The following RNF144B variants were observed in gnomAD, a reference collection of about 807,000 sequenced individuals.
RNF144B encodes E3 ubiquitin-protein ligase RNF144B.
In RNF144B, 25 loss-of-function variants were observed where a neutral mutation model predicts 40.2. That is an observed-to-expected ratio of 0.62 (90% CI 0.45 to 0.87). The LOEUF is 0.87. Ranked by LOEUF, RNF144B falls within the 40% of genes least tolerant of loss-of-function variation. The pLI is 0.00. For synonymous variants in RNF144B, 145 were observed against 136.3 expected, an observed-to-expected ratio of 1.06 and a Z score of -0.44; for missense variants, 365 against 373.7, an observed-to-expected ratio of 0.98 and a Z score of 0.19.
intron 2 of RNF144B, among the ~76,000 whole-genome samples, chr6:18,411,483 ATATATATATATATATTTTTTT>A (rs1318824597): frequency 1.4e-3 from 37 of 25,664 alleles, no homozygotes; most frequent in Admixed American, 2.3e-3. Flanking sequence ...ATATATATAT[ATATATATATATATATTTTTTT>A]TTTTTTTTTT....
chr6:18,436,288 C>A (rs1562052365), intron 3 of RNF144B, among the ~76,000 whole-genome samples: 2 of 151,878 alleles, frequency 1.3e-5, no homozygotes. Flanking sequence ...AAGAACTGTC[C>A]CAGATTGGAA....
chr6:18,411,009 G>A lies in RNF144B; in HGVS notation c.165+11310G>A, dbSNP rs180671246. ...CTTTTCTTTTCTTTTTTTTTGAGAC[G>A]GAGTCTCATTCTGTTGCCAGGCTGG... On this transcript the variant is annotated intron_variant, in intron 2 of 7. Coordinates refer to ENST00000259939, the MANE Select transcript of RNF144B (RefSeq NM_182757.4). Among the ~76,000 whole-genome samples the A allele has an allele frequency of 1.1e-3, 152 of 142,228 alleles. 1 individual carries two copies. Among genetic ancestry groups the A allele is most frequent in the African/African-American group, 3.9e-3 (148 of 38,212 alleles). The allele number at this position is 142,228 out of a possible 152,430, so 93.3% of individuals were successfully genotyped here.
chr6:18,407,838 T>C (rs919559791), intron 2 of RNF144B, among the ~76,000 whole-genome samples: 9 of 152,206 alleles, frequency 5.9e-5, no homozygotes, highest in African/African-American at 2.2e-4. Context: ...AATAGTGAGC[T>C]ATCTAGTAGT....
chr6:18,411,207 T>A (rs1795026034), intron 2 of RNF144B, among the ~76,000 whole-genome samples: 1 of 151,564 alleles, frequency 6.6e-6, no homozygotes, highest in South Asian at 2.1e-4. Context: ...ATGGTCTCGA[T>A]CTCCTGATCT....
rs964578163 is a variant in RNF144B, at chr6:18,460,449, T to C, written c.681+698T>C. On this transcript the variant is annotated intron_variant, in intron 6 of 7. Coordinates refer to ENST00000259939, the MANE Select transcript of RNF144B (RefSeq NM_182757.4). This position sits in a 1 kb window ranked among gnomAD's most constrained non-coding sequence, Gnocchi z 4.4. ...CACACTTGCAGAATCCCTCTTGTCA[T>C]ATAGGGTAACACATTCACAGATTCT... Among the ~76,000 whole-genome samples, 1 of 152,216 alleles carries C rather than the reference T, an allele frequency of 6.6e-6. No individual in the cohort carries two copies. The highest frequency in any genetic ancestry group is 2.4e-5 in the African/African-American group (1 of 41,446).
chr6:18,422,127 T>A lies in RNF144B; in HGVS notation c.166-5454T>A, dbSNP rs980640791. Reference sequence around the variant, plus strand: ...ACCAGGAAACAGCTTCCTGCCTAGCTATAGGTTGTTAATTTGTCTGAATAT... The same window carrying A: ...ACCAGGAAACAGCTTCCTGCCTAGCAATAGGTTGTTAATTTGTCTGAATAT... On this transcript the variant is annotated intron_variant, in intron 2 of 7. Coordinates refer to ENST00000259939, the MANE Select transcript of RNF144B (RefSeq NM_182757.4). The surrounding 1 kb of genome is among the most constrained non-coding windows in gnomAD (Gnocchi z 4.7). Among the ~76,000 whole-genome samples the A allele has an allele frequency of 2.0e-5, 3 of 152,204 alleles. No homozygotes were observed. Among genetic ancestry groups the A allele is most frequent in the African/African-American group, 7.2e-5 (3 of 41,456 alleles).
chr6:18,390,356 G>T (rs933385606), intron 1 of RNF144B, among the ~76,000 whole-genome samples: 1 of 152,044 alleles, frequency 6.6e-6, no homozygotes, highest in Non-Finnish European at 1.5e-5. Context: ...TTACCCAGTC[G>T]GTGAGTACTT....
chr6:18,387,687 C>G, intron 1 of RNF144B, 57 bp downstream of exon 1: 1 of 1,259,446 alleles, frequency 7.9e-7, no homozygotes, highest in Non-Finnish European at 1.0e-6. Context: ...AATGGTGTTG[C>G]TGGACTAAGG....
chr6:18,435,669 A>T (rs1475487470), intron 3 of RNF144B, among the ~76,000 whole-genome samples: 1 of 152,162 alleles, frequency 6.6e-6, no homozygotes, highest in African/African-American at 2.4e-5. Flanking sequence ...AACCACATTA[A>T]AAAGTTAACA....
At chr6:18,440,995 G>A (rs931641441) in intron 4 of RNF144B, among the ~76,000 whole-genome samples, 2 of 152,026 alleles carry the variant, frequency 1.3e-5, no homozygotes, top group African/African-American at 4.8e-5. Context: ...TGTTGAACAT[G>A]GAATCAGAAC....
intron 4 of RNF144B, among the ~76,000 whole-genome samples, chr6:18,453,571 C>T (rs1656886967): frequency 6.6e-6 from 1 of 152,094 alleles, no homozygotes; most frequent in Non-Finnish European, 1.5e-5. Flanking sequence ...TATTTGCTCA[C>T]CTACATAGAA....
intron 2 of RNF144B, among the ~76,000 whole-genome samples, chr6:18,413,642 A>G (rs762219837): frequency 3.3e-5 from 5 of 152,226 alleles, no homozygotes; most frequent in African/African-American, 9.6e-5. Context: ...TTCTGCCTCA[A>G]TGACTGATGT....
chr6:18,421,340 C>A, intron 2 of RNF144B, among the ~76,000 whole-genome samples: 1 of 148,518 alleles, frequency 6.7e-6, no homozygotes, highest in Non-Finnish European at 1.5e-5. Flanking sequence ...AAATTACAGA[C>A]CAATAAAATG....
In RNF144B at chr6:18,441,175, A is replaced by G. The variant is rs1758956140; in HGVS notation, c.331+1431A>G. Among the ~76,000 whole-genome samples the G allele has an allele frequency of 6.6e-6, 1 of 152,168 alleles. No homozygotes were observed. Among genetic ancestry groups the G allele is most frequent in the African/African-American group, 2.4e-5 (1 of 41,444 alleles). On this transcript the variant is annotated intron_variant, in intron 4 of 7. Transcript: ENST00000259939. This position sits in a 1 kb window ranked among gnomAD's most constrained non-coding sequence, Gnocchi z 4.9. ...AGATATGATAGCTAAAGATAAGAGC[A>G]TCAACCATCTGCCCTGCCATTTTCC... is the stretch of plus-strand genomic sequence containing the variant.
rs1056329345 is a variant in RNF144B, at chr6:18,434,929, GTATT to G, written c.271-4752_271-4749del. Among the ~76,000 whole-genome samples the G allele has an allele frequency of 4.1e-4, 62 of 152,262 alleles. No individual in the cohort carries two copies. The highest frequency in any genetic ancestry group is 1.5e-3 in the African/African-American group (62 of 41,540). The stretch of plus-strand genomic sequence containing the variant: ...AGCCACCTTGCCTGGCCAGAATTGA[GTATT>G]TAATAAGGATCATAAGGTTCATTTT... On this transcript the variant is annotated intron_variant, in intron 3 of 7. Coordinates refer to ENST00000259939, the MANE Select transcript of RNF144B (RefSeq NM_182757.4). The surrounding 1 kb of genome is among the most constrained non-coding windows in gnomAD (Gnocchi z 4.1).
rs1431767447 is a variant in RNF144B at position 18,395,645 on chromosome 6, T to C, written c.-36-3854T>C. On this transcript the variant is annotated intron_variant, in intron 1 of 7. Coordinates refer to ENST00000259939, the MANE Select transcript of RNF144B (RefSeq NM_182757.4). The surrounding 1 kb of genome is among the most constrained non-coding windows in gnomAD (Gnocchi z 4.5). ...TTTTTTAACTATCCATTGTTGGTTT[T>C]GCCCAAAGTGAGAAACGAAAGGGTT... Among the ~76,000 whole-genome samples the C allele has an allele frequency of 6.6e-6, 1 of 152,170 alleles. No homozygotes were observed. Among genetic ancestry groups the C allele is most frequent in the African/African-American group, 2.4e-5 (1 of 41,424 alleles).
chr6:18,399,246 A>C (rs890726033), intron 1 of RNF144B, among the ~76,000 whole-genome samples: 1 of 152,114 alleles, frequency 6.6e-6, no homozygotes, highest in Admixed American at 6.5e-5. Context: ...CCACCCCACC[A>C]TAGTGGTCTT....
In RNF144B at chr6:18,441,811, G is replaced by T. The variant is rs1264677996; in HGVS notation, c.331+2067G>T. Reference sequence around the variant, plus strand: ...ACAAGTATCTCTGTACCACAGGGTTGTGATGAGGATTATGTGAATTAATAC... The same window carrying T: ...ACAAGTATCTCTGTACCACAGGGTTTTGATGAGGATTATGTGAATTAATAC... On this transcript the variant is annotated intron_variant, in intron 4 of 7. Coordinates refer to ENST00000259939, the MANE Select transcript of RNF144B (RefSeq NM_182757.4). This position sits in a 1 kb window ranked among gnomAD's most constrained non-coding sequence, Gnocchi z 4.9. Among the ~76,000 whole-genome samples, 2 of 152,324 alleles carry T rather than the reference G, an allele frequency of 1.3e-5. No individual in the cohort carries two copies. The highest frequency in any genetic ancestry group is 2.1e-4 in the South Asian group (1 of 4,828).
chr6:18,388,171 A>G (rs142777672), intron 1 of RNF144B, among the ~76,000 whole-genome samples: 464 of 152,278 alleles, frequency 3.0e-3, no homozygotes, highest in Non-Finnish European at 5.3e-3. Flanking sequence ...CATATACACT[A>G]TTCACATAAA....
Sources: allele counts gnomAD v4.1 joint callset (sites outside exome capture counted in the v4.1 genomes callset), GRCh38; gene constraint gnomAD v4.1.1; non-coding constraint Gnocchi (gnomAD v3.1); transcripts MANE v1.5; gene names NCBI Gene and HGNC (gene_info 2026-07-23, HGNC 2026-07-21).